The following KCNJ16 variants were observed in gnomAD, a reference collection of about 807,000 sequenced individuals.
KCNJ16 encodes the protein inward rectifier potassium channel 16.
A neutral mutation model predicts 18.5 loss-of-function variants in KCNJ16; 15 were observed. That is an observed-to-expected ratio of 0.81 (90% CI 0.54 to 1.25). The LOEUF (loss-of-function observed/expected upper bound fraction) is 1.25. Among genes scored for constraint, KCNJ16 ranks in the 50% most tolerant of loss-of-function variants. KCNJ16 has a pLI of 0.00. For missense variants in KCNJ16, 523 were observed against 525.7 expected (o/e 0.99, Z 0.05); for synonymous variants, 174 against 186.5 (o/e 0.93, Z 0.55).
At chr17:70,123,602 A>G (rs2073737995) in intron 2 of KCNJ16, among the ~76,000 whole-genome samples, 1 of 152,222 alleles carries the variant, frequency 6.6e-6, no homozygotes. Context: ...ATTTTATGTC[A>G]TTTATTCCTC....
chr17:70,133,666 C>A lies in KCNJ16; in HGVS notation c.*322C>A. On this transcript the variant is annotated 3_prime_UTR_variant, in exon 4 of 4. Coordinates refer to ENST00000392671, the MANE Select transcript of KCNJ16 (RefSeq NM_170741.4). ...ACGGGGAATGAAGGCAGGAAGGAGGCTGGAATAAATAAAAATAAAAATAGA... is the reference window on the plus strand; with the variant it reads ...ACGGGGAATGAAGGCAGGAAGGAGGATGGAATAAATAAAAATAAAAATAGA... 4.5e-6 allele frequency: 1 copy of A among 221,858 alleles called. No individual in the cohort carries two copies. The allele number at this position is 221,858 out of a possible 1,614,324, so 13.7% of individuals were successfully genotyped here. A position where few individuals can be genotyped will look rare whatever the true frequency, so the allele number is the denominator to read the frequency against.
chr17:70,090,474 G>C (rs1352767659), intron 1 of KCNJ16, among the ~76,000 whole-genome samples: 1 of 152,124 alleles, frequency 6.6e-6, no homozygotes, highest in Admixed American at 6.6e-5. Flanking sequence ...CCTCATTCTG[G>C]CACAGAGTCC....
At position 70,133,585 on chromosome 17, in the gene KCNJ16, A is replaced by C. The variant is rs891616719; in HGVS notation, c.*241A>C. 2.1e-5 allele frequency: 8 copies of C among 387,992 alleles called. No homozygotes were observed. The highest frequency in any genetic ancestry group is 1.6e-4 in the African/African-American group (8 of 48,608). The allele number at this position is 387,992 out of a possible 1,614,324, so 24.0% of individuals were successfully genotyped here. A position where few individuals can be genotyped will look rare whatever the true frequency, so the allele number is the denominator to read the frequency against. Reference sequence around the variant, plus strand: ...TATTAAGCCTAATTGATTAAAATTTATCTTTTTTATTATCTTACATGCTTG... The same window carrying C: ...TATTAAGCCTAATTGATTAAAATTTCTCTTTTTTATTATCTTACATGCTTG... On this transcript the variant is annotated 3_prime_UTR_variant, in exon 4 of 4. Transcript: ENST00000392671.
intron 2 of KCNJ16, among the ~76,000 whole-genome samples, chr17:70,123,495 G>A (rs1414105177): frequency 6.6e-6 from 1 of 152,174 alleles, no homozygotes; most frequent in African/African-American, 2.4e-5. Context: ...GGCCCTGTAT[G>A]ATAAGCTATC....
At chr17:70,088,315 T>C (rs1324101325) in intron 1 of KCNJ16, among the ~76,000 whole-genome samples, 2 of 152,370 alleles carry the variant, frequency 1.3e-5, no homozygotes, top group Middle Eastern at 3.4e-3. Flanking sequence ...ATCCCTCGGA[T>C]GTGCAGTTCA....
intron 1 of KCNJ16, among the ~76,000 whole-genome samples, chr17:70,088,021 CAAA>C (rs10661960): frequency 6.3e-5 from 5 of 79,470 alleles, no homozygotes; most frequent in East Asian, 4.3e-4. Flanking sequence ...GACTCTGTCT[CAAA>C]AAAAAAAAAA....
intron 2 of KCNJ16, among the ~76,000 whole-genome samples, chr17:70,126,965 C>T (rs1336494400): frequency 2.0e-5 from 3 of 150,320 alleles, no homozygotes; most frequent in Middle Eastern, 6.8e-3. Flanking sequence ...CTCCAGATAA[C>T]GTTACTAGTG....
At chr17:70,116,835 G>C (rs2073428488) in intron 2 of KCNJ16, among the ~76,000 whole-genome samples, 1 of 152,168 alleles carries the variant, frequency 6.6e-6, no homozygotes, top group South Asian at 2.1e-4. Context: ...AGAAAAGGGA[G>C]TGCTTATACA....
At chr17:70,092,356 C>A (rs148614467) in intron 1 of KCNJ16, among the ~76,000 whole-genome samples, 204 of 152,162 alleles carry the variant, frequency 1.3e-3, no homozygotes, top group African/African-American at 4.8e-3. Context: ...TGTTTTACAA[C>A]CTAAGAATAG....
At chr17:70,117,781 C>T (rs570643152) in intron 2 of KCNJ16, among the ~76,000 whole-genome samples, 156 of 152,238 alleles carry the variant, frequency 1.0e-3, no homozygotes, top group African/African-American at 3.6e-3. Flanking sequence ...GTTAGGGATA[C>T]AGTGGTAAAT....
At chr17:70,129,660 C>T (rs775652018) in intron 2 of KCNJ16, among the ~76,000 whole-genome samples, 14 of 152,188 alleles carry the variant, frequency 9.2e-5, no homozygotes, top group Admixed American at 5.9e-4. Context: ...CAATAATGAA[C>T]CACATCAGGA....
chr17:70,117,114 C>T lies in KCNJ16; in HGVS notation c.-190-13765C>T, dbSNP rs536942558. Among the ~76,000 whole-genome samples, 25 of 152,226 alleles carry T rather than the reference C, an allele frequency of 1.6e-4. No homozygotes were observed. The East Asian group carries it at 4.2e-3, about 26-fold the overall frequency. On this transcript the variant is annotated intron_variant, in intron 2 of 3. Transcript: ENST00000392671. ...GGTCAATATACACTATGGAATACTA[C>T]ACAGCCATAAAAAAGAACAAAATAA...
rs2074114378 is a variant in KCNJ16, at chr17:70,132,943, G to A, written c.856G>A (p.Gly286Ser). The A allele has an allele frequency of 6.2e-7, 1 of 1,614,124 alleles. No homozygotes were observed. The highest frequency in any genetic ancestry group is 8.5e-7 in the Non-Finnish European group (1 of 1,180,022). Residue 286 changes from glycine to serine, a missense_variant, in exon 4 of 4, where the codon GGT becomes AGT. By Grantham distance (56) the Gly-to-Ser change is moderately conservative. Transcript: ENST00000392671. ...GATTTTGGTGACATTTATCTATACT[G>A]GTGATTCCACTGGAACATCTCACCA... ...FEILVTFIYT[G>S]DSTGTSHQSR...
rs777190826 is a variant in KCNJ16, at chr17:70,132,572, C to T, written c.485C>T (p.Thr162Ile). 1.6e-5 allele frequency: 26 copies of T among 1,614,132 alleles called. No homozygotes were observed. The highest frequency in any genetic ancestry group is 2.2e-5 in the Non-Finnish European group (26 of 1,180,026). Residue 162 changes from threonine to isoleucine, a missense_variant, in exon 4 of 4, where the codon ACC (threonine) becomes ATC (isoleucine). Thr to Ile is a moderately conservative substitution (Grantham distance 89). Transcript: ENST00000392671. ...TCCATCTTAAGTTGCATCATAAATA[C>T]CTTTATCATTGGAGCTGCCTTGGCC... ...LQSILSCIIN[T>I]FIIGAALAKM...
intron 2 of KCNJ16, chr17:70,128,999 T>G (rs973444734): frequency 6.6e-6 from 1 of 152,298 alleles, no homozygotes; most frequent in African/African-American, 2.4e-5. Context: ...GGTACGTGTC[T>G]TCCGGGCAGC....
rs1008505473 is a variant in KCNJ16, at chr17:70,080,577, G to C, written c.-300+5187G>C. 6.6e-5 allele frequency among the ~76,000 whole-genome samples: 10 copies of C among 152,000 alleles called. 1 individual carries two copies. Among genetic ancestry groups the C allele is most frequent in the Admixed American group, 3.9e-4 (6 of 15,264 alleles). ...AATGTACTCATTTATCTTCTGCTTTGTAAGGTTTATTTTTTTTAATGGAAA... is the reference window on the plus strand; with the variant it reads ...AATGTACTCATTTATCTTCTGCTTTCTAAGGTTTATTTTTTTTAATGGAAA... On this transcript the variant is annotated intron_variant, in intron 1 of 3. Coordinates refer to ENST00000392671, the MANE Select transcript of KCNJ16 (RefSeq NM_170741.4).
intron 2 of KCNJ16, among the ~76,000 whole-genome samples, chr17:70,104,494 TCAGA>T (rs1273185858): frequency 2.0e-5 from 3 of 152,180 alleles, no homozygotes; most frequent in Non-Finnish European, 4.4e-5. Context: ...GGTTACATAG[TCAGA>T]CAAAGTGTGC....
Position 70,088,021 on chromosome 17 carries a change from CAAAAAAA to C in KCNJ16, c.-299-12623_-299-12617del, listed in dbSNP as rs10661960. Among the ~76,000 whole-genome samples, 759 of 79,458 alleles carry C rather than the reference CAAAAAAA, an allele frequency of 9.6e-3. 13 individuals carry two copies. Among genetic ancestry groups the C allele is most frequent in the African/African-American group, 0.037 (682 of 18,518 alleles). The allele number at this position is 79,458 out of a possible 152,430, so 52.1% of individuals were successfully genotyped here. On this transcript the variant is annotated intron_variant, in intron 1 of 3. Transcript: ENST00000392671. Reference sequence around the variant, plus strand: ...TGGGCGACAGAGCAAGACTCTGTCTCAAAAAAAAAAAAAAAAAAAAGTAAAAGAAAAA... The same window carrying C: ...TGGGCGACAGAGCAAGACTCTGTCTCAAAAAAAAAAAAAGTAAAAGAAAAA...
chr17:70,093,873 G>A (rs1159848137), intron 1 of KCNJ16, among the ~76,000 whole-genome samples: 1 of 151,552 alleles, frequency 6.6e-6, no homozygotes, highest in African/African-American at 2.4e-5. Flanking sequence ...ATAACTATTG[G>A]AATATGGTTA....
Sources: allele counts gnomAD v4.1 joint callset (sites outside exome capture counted in the v4.1 genomes callset), GRCh38; gene constraint gnomAD v4.1.1; transcripts MANE v1.5; gene names NCBI Gene and HGNC (gene_info 2026-07-23, HGNC 2026-07-21).